RBM20: variants seen among roughly 807,000 people sequenced by gnomAD.
RBM20 encodes the protein RNA binding motif protein 20, also known as RNA-binding protein 20.
Under a neutral mutation model 110.1 loss-of-function variants are expected in RBM20, and 51 were observed. The ratio of observed to expected loss-of-function variants is 0.46; its 90% CI spans 0.37 to 0.59. The LOEUF (loss-of-function observed/expected upper bound fraction) is 0.59, where lower values mean the gene tolerates loss of function less well. Among genes scored for constraint, RBM20 ranks in the 20% least tolerant of loss-of-function variants. The pLI, the probability that RBM20 is intolerant of heterozygous loss-of-function variation, is 0.00. For missense variants in RBM20, 1,512 were observed against 1,574.9 expected, an observed-to-expected ratio of 0.96 and a Z score of 0.68; for synonymous variants, 589 against 618.2, an observed-to-expected ratio of 0.95 and a Z score of 0.70.
intron 1 of RBM20, among the ~76,000 whole-genome samples, chr10:110,754,914 T>C (rs1302838583): frequency 2.0e-5 from 3 of 152,206 alleles, no homozygotes; most frequent in Non-Finnish European, 4.4e-5. Flanking sequence ...ATTTCACTAG[T>C]TATTGCCCGT....
At chr10:110,755,208 G>A (rs1046767491) in intron 1 of RBM20, among the ~76,000 whole-genome samples, 2 of 152,172 alleles carry the variant, frequency 1.3e-5, no homozygotes, top group Non-Finnish European at 2.9e-5. Context: ...CTGAGGGTGT[G>A]GCCCTTTGGG....
At chr10:110,792,181 ATC>A (rs1564847551) in intron 5 of RBM20, among the ~76,000 whole-genome samples, 47 of 151,524 alleles carry the variant, frequency 3.1e-4, no homozygotes, top group Admixed American at 1.4e-3. Context: ...CTATCTATCT[ATC>A]TATCTATGTA....
intron 1 of RBM20, among the ~76,000 whole-genome samples, chr10:110,671,336 T>C (rs1177834206): frequency 6.6e-6 from 1 of 152,252 alleles, no homozygotes; most frequent in Non-Finnish European, 1.5e-5. Context: ...TCTAAGCGTA[T>C]GAATATTTTT....
At chr10:110,646,079 T>G (rs767747478) in intron 1 of RBM20, among the ~76,000 whole-genome samples, 1 of 152,216 alleles carries the variant, frequency 6.6e-6, no homozygotes, top group Admixed American at 6.5e-5. Flanking sequence ...TGGCCAATTA[T>G]TAATTTGGAA....
chr10:110,650,990 T>C (rs992461642), intron 1 of RBM20, among the ~76,000 whole-genome samples: 1 of 152,252 alleles, frequency 6.6e-6, no homozygotes, highest in Non-Finnish European at 1.5e-5. Context: ...TTACTGGGCT[T>C]CTGTCGAGGA....
intron 1 of RBM20, among the ~76,000 whole-genome samples, chr10:110,657,770 A>G (rs1219820902): frequency 1.3e-5 from 2 of 152,204 alleles, no homozygotes; most frequent in Non-Finnish European, 2.9e-5. Context: ...TTACAAATGA[A>G]GCTCGTATGA....
intron 1 of RBM20, among the ~76,000 whole-genome samples, chr10:110,777,840 A>G (rs145591707): frequency 7.3e-4 from 111 of 152,338 alleles, no homozygotes; most frequent in African/African-American, 2.5e-3. Flanking sequence ...TACTCTGGTC[A>G]TGGAAACCAA....
intron 1 of RBM20, among the ~76,000 whole-genome samples, chr10:110,751,412 T>C (rs961806751): frequency 8.5e-5 from 13 of 152,224 alleles, no homozygotes; most frequent in Admixed American, 7.2e-4. Flanking sequence ...TCCAAAAAGA[T>C]ACTTTAAAGA....
At chr10:110,716,583 T>C (rs982869042) in intron 1 of RBM20, among the ~76,000 whole-genome samples, 14 of 152,120 alleles carry the variant, frequency 9.2e-5, no homozygotes, top group African/African-American at 3.4e-4. Flanking sequence ...TATTTCAGTA[T>C]GCATATTCAT....
chr10:110,812,187 A>G, intron 8 of RBM20, 91 bp from the exon 9 acceptor site: 1 of 1,127,022 alleles, frequency 8.9e-7, no homozygotes, highest in Admixed American at 2.4e-5. Flanking sequence ...CATGCACAGT[A>G]TATCTAAGAC....
Position 110,723,254 on chromosome 10 carries a change from C to CATTATATT in RBM20, c.192-57546_192-57545insTTATATTA. ...ATATACAAGTAAACGGTTATATATT[C>CATTATATT]ACAGAGCTGTAATTCATCACCACTA... On this transcript the variant is annotated intron_variant, in intron 1 of 13. Transcript: ENST00000369519. 2.0e-5 allele frequency among the ~76,000 whole-genome samples: 3 copies of CATTATATT among 152,156 alleles called. No individual in the cohort carries two copies. The South Asian group carries it at 6.2e-4, about 32-fold the overall frequency.
At position 110,644,582 on chromosome 10, in the gene RBM20, A is replaced by AGCG; in HGVS notation, c.130_131insGGC (p.Gln43_Pro44insArg). 1 of 1,523,760 alleles carries AGCG rather than the reference A, an allele frequency of 6.6e-7. No homozygotes were observed. Among genetic ancestry groups the AGCG allele is most frequent in the Non-Finnish European group, 8.8e-7 (1 of 1,139,030 alleles). The allele number at this position is 1,523,760 out of a possible 1,614,324, so 94.4% of individuals were successfully genotyped here. A position where few individuals can be genotyped will look rare whatever the true frequency, so the allele number is the denominator to read the frequency against. On this transcript the variant is annotated inframe_insertion, in exon 1 of 14. Coordinates refer to ENST00000369519, the MANE Select transcript of RBM20 (RefSeq NM_001134363.3). The surrounding 1 kb of genome is among the most constrained non-coding windows in gnomAD (Gnocchi z 4.3). ...CCCTCCGGCCCGCGAGGGATGCAGC[A>AGCG]GCCGCCGCCGCCGCCCCAGCCACCG...
At chr10:110,696,022 T>C (rs1176804043) in intron 1 of RBM20, among the ~76,000 whole-genome samples, 3 of 152,210 alleles carry the variant, frequency 2.0e-5, no homozygotes, top group Non-Finnish European at 2.9e-5. Context: ...CAGCATCTAC[T>C]TAGGAATGCA....
At chr10:110,762,816 C>T (rs1844024315) in intron 1 of RBM20, among the ~76,000 whole-genome samples, 1 of 152,184 alleles carries the variant, frequency 6.6e-6, no homozygotes, top group Non-Finnish European at 1.5e-5. Context: ...TGGTGGGGCG[C>T]TTTTCAATAA....
chr10:110,683,035 ATGATCACAATTTTTGATTGTGTCAT>A (rs373128966), intron 1 of RBM20, among the ~76,000 whole-genome samples: 3,016 of 152,210 alleles, frequency 0.02, 85 homozygotes, highest in African/African-American at 0.065. Context: ...TTGGGTTATG[ATGATCACAATTTTTGATTGTGTCAT>A]TGATCACAAT....
chr10:110,790,028 C>G (rs558210882), intron 5 of RBM20, among the ~76,000 whole-genome samples: 1 of 152,278 alleles, frequency 6.6e-6, no homozygotes, highest in South Asian at 2.1e-4. Context: ...GATGGGCCAC[C>G]CTGACCTGGG....
intron 1 of RBM20, among the ~76,000 whole-genome samples, chr10:110,656,984 A>G (rs1379506936): frequency 6.7e-6 from 1 of 149,792 alleles, no homozygotes; most frequent in African/African-American, 2.4e-5. Flanking sequence ...TTTTGGGTAT[A>G]TATCTTGGAG....
In RBM20 at chr10:110,694,244, C is replaced by T. The variant is rs116226248; in HGVS notation, c.191+49599C>T. The stretch of plus-strand genomic sequence containing the variant: ...CTGTGCTTTGGGAGAACCAATGAAC[C>T]CAATGAACCGAATGAAACCAAAGCC... On this transcript the variant is annotated intron_variant, in intron 1 of 13. Transcript: ENST00000369519. 2.9e-3 allele frequency among the ~76,000 whole-genome samples: 437 copies of T among 152,260 alleles called. 3 individuals carry two copies. The highest frequency in any genetic ancestry group is 1.0e-2 in the African/African-American group (415 of 41,536).
chr10:110,721,968 G>C (rs1443497475), intron 1 of RBM20, among the ~76,000 whole-genome samples: 1 of 152,052 alleles, frequency 6.6e-6, no homozygotes, highest in Non-Finnish European at 1.5e-5. Context: ...CAGTTGGAGA[G>C]GGGAGGGCTC....
Sources: allele counts gnomAD v4.1 joint callset (sites outside exome capture counted in the v4.1 genomes callset), GRCh38; gene constraint gnomAD v4.1.1; non-coding constraint Gnocchi (gnomAD v3.1); transcripts MANE v1.5; gene names NCBI Gene and HGNC (gene_info 2026-07-23, HGNC 2026-07-21).